Variants in SLC3A1 observed in about 807,000 individuals in gnomAD.
SLC3A1 encodes amino acid transporter heavy chain SLC3A1.
SLC3A1 carries 78 observed loss-of-function variants against 60.3 expected under a neutral mutation model. That is an observed-to-expected ratio of 1.29 (90% CI 1.08 to 1.56). SLC3A1 has a LOEUF of 1.56. Ranked by LOEUF, SLC3A1 falls within the 40% of genes most tolerant of loss-of-function variation. The pLI is 0.00. For synonymous variants in SLC3A1, 392 were observed against 307.9 expected, an observed-to-expected ratio of 1.27 and a Z score of -2.86; for missense variants, 1,172 against 858.9, an observed-to-expected ratio of 1.36 and a Z score of -4.56.
intron 7 of SLC3A1, 121 bp from the exon 8 acceptor site, chr2:44,312,465 T>C: frequency 9.7e-7 from 1 of 1,027,164 alleles, no homozygotes; most frequent in South Asian, 1.3e-5. Context: ...AGTCCAGGCT[T>C]GCTAGTACCA....
intron 1 of SLC3A1, among the ~76,000 whole-genome samples, chr2:44,277,818 A>G (rs1671383585): frequency 6.6e-6 from 1 of 152,204 alleles, no homozygotes; most frequent in African/African-American, 2.4e-5. Context: ...GTCATTTCCA[A>G]TACCTGTTCT....
chr2:44,306,167 T>TA (rs1273745996), intron 7 of SLC3A1, among the ~76,000 whole-genome samples: 1 of 152,200 alleles, frequency 6.6e-6, no homozygotes, highest in African/African-American at 2.4e-5. Flanking sequence ...CACTAGTCAA[T>TA]ATCTTCTGTT....
chr2:44,294,654 G>A (rs1671811146), intron 4 of SLC3A1, among the ~76,000 whole-genome samples: 1 of 152,210 alleles, frequency 6.6e-6, no homozygotes, highest in African/African-American at 2.4e-5. Flanking sequence ...TGGACAGCGA[G>A]AGAGCTGGGT....
At chr2:44,299,893 T>G (rs1671958724) in intron 4 of SLC3A1, 78 bp from the exon 5 acceptor site, 1 of 1,457,162 alleles carries the variant, frequency 6.9e-7, no homozygotes, top group African/African-American at 1.4e-5. Flanking sequence ...GCCAAGTTGT[T>G]AACAGTCAAA....
intron 1 of SLC3A1, among the ~76,000 whole-genome samples, chr2:44,278,127 A>C (rs963797101): frequency 6.6e-6 from 1 of 151,928 alleles, no homozygotes; most frequent in Non-Finnish European, 1.5e-5. Flanking sequence ...CATATGGGGG[A>C]ACTGGGGTAC....
chr2:44,313,859 A>G lies in SLC3A1; in HGVS notation c.1525A>G (p.Met509Val). ...DINTLRSKSPMQWDNSSNAGF... is the reference protein window; with the variant it reads ...DINTLRSKSPVQWDNSSNAGF... ...GAATACCCTTCGCTCAAAGTCACCAATGCAGTGGGACAATAGTTCAAATGC... is the reference window on the plus strand; with the variant it reads ...GAATACCCTTCGCTCAAAGTCACCAGTGCAGTGGGACAATAGTTCAAATGC... Residue 509 changes from methionine (M) to valine (V), a missense_variant, in exon 9 of 10, where the codon ATG (methionine) becomes GTG (valine). Met to Val is a conservative substitution (Grantham distance 21, BLOSUM62 1). Transcript: ENST00000260649. 1.2e-6 allele frequency: 2 copies of G among 1,614,046 alleles called. No individual in the cohort carries two copies. Among genetic ancestry groups the G allele is most frequent in the Non-Finnish European group, 8.5e-7 (1 of 1,179,924 alleles).
intron 4 of SLC3A1, 100 bp from the exon 5 acceptor site, chr2:44,299,869 ATC>A (rs1169567770): frequency 4.3e-5 from 50 of 1,150,420 alleles, no homozygotes; most frequent in Non-Finnish European, 6.2e-5. Context: ...GTATGTAGAT[ATC>A]TGTTTTATGA....
chr2:44,295,789 G>C (rs1671835321), intron 4 of SLC3A1, among the ~76,000 whole-genome samples: 1 of 152,172 alleles, frequency 6.6e-6, no homozygotes, highest in African/African-American at 2.4e-5. Flanking sequence ...TGTTTACACA[G>C]AATGGTGCTT....
intron 7 of SLC3A1, among the ~76,000 whole-genome samples, chr2:44,307,012 C>G (rs1014418390): frequency 6.6e-6 from 1 of 152,220 alleles, no homozygotes; most frequent in African/African-American, 2.4e-5. Flanking sequence ...CCCTCCCTCT[C>G]TGTCCTCAGT....
chr2:44,290,148 G>T (rs1671710086), intron 4 of SLC3A1, among the ~76,000 whole-genome samples: 1 of 144,978 alleles, frequency 6.9e-6, no homozygotes. Context: ...TTTGCATGTG[G>T]CTATTCAGTT....
At position 44,275,893 on chromosome 2, in the gene SLC3A1, G is replaced by T; in HGVS notation, c.358G>T (p.Glu120Ter). Residue 120 changes from glutamate (E) to a stop codon, truncating the protein, a stop_gained, in exon 1 of 10, where the codon GAG becomes TAG. Coordinates refer to ENST00000260649, the MANE Select transcript of SLC3A1 (RefSeq NM_000341.4). LOFTEE classifies it high-confidence loss of function. Reference protein sequence around the residue: ...LSPKCLDWWQEGPMYQIYPRS... With the variant: ...LSPKCLDWWQ Reference sequence around the variant, plus strand: ...TCCAAAGTGCCTAGACTGGTGGCAGGAGGGGCCCATGTACCAGATCTACCC... The same window carrying T: ...TCCAAAGTGCCTAGACTGGTGGCAGTAGGGGCCCATGTACCAGATCTACCC... 6.2e-7 allele frequency: 1 copy of T among 1,614,240 alleles called. No homozygotes were observed. Among genetic ancestry groups the T allele is most frequent in the African/African-American group, 1.3e-5 (1 of 75,070 alleles).
intron 3 of SLC3A1, among the ~76,000 whole-genome samples, chr2:44,284,495 C>G (rs371991587): frequency 6.6e-6 from 1 of 152,140 alleles, no homozygotes; most frequent in Non-Finnish European, 1.5e-5. Context: ...TTTATATCCC[C>G]CACAGAAGTA....
intron 3 of SLC3A1, chr2:44,285,762 C>T: frequency 1.6e-6 from 1 of 614,640 alleles, no homozygotes; most frequent in South Asian, 1.5e-5. Flanking sequence ...CTTAAGTTGA[C>T]CTTGTCTTGG....
intron 9 of SLC3A1, among the ~76,000 whole-genome samples, chr2:44,315,811 TTGG>T (rs144993114): frequency 0.03 from 4,632 of 152,112 alleles, 100 homozygotes; most frequent in Non-Finnish European, 0.04. Context: ...CTAGAACTGT[TTGG>T]TGATCACATG....
chr2:44,294,825 C>A (rs1322718956), intron 4 of SLC3A1, among the ~76,000 whole-genome samples: 2 of 152,200 alleles, frequency 1.3e-5, no homozygotes, highest in Non-Finnish European at 1.5e-5. Flanking sequence ...TACTCTGAAA[C>A]ATCCTTTCTC....
At chr2:44,312,308 C>G (rs1263980401) in intron 7 of SLC3A1, among the ~76,000 whole-genome samples, 1 of 152,114 alleles carries the variant, frequency 6.6e-6, no homozygotes, top group Non-Finnish European at 1.5e-5. Flanking sequence ...ATTCTCTTAT[C>G]CAAATATGAG....
rs191564699 is a variant in SLC3A1 at position 44,279,610 on chromosome 2, T to G, written c.431-1106T>G. ...GGAGCCACATAAGAAATTGTAAATT[T>G]TGTAGTAGCCACATTAAAAAAAGGA... On this transcript the variant is annotated intron_variant, in intron 1 of 9. Transcript: ENST00000260649. Among the ~76,000 whole-genome samples, 434 of 152,314 alleles carry G rather than the reference T, an allele frequency of 2.8e-3. 3 individuals are homozygous for G. The highest frequency in any genetic ancestry group is 9.8e-3 in the African/African-American group (408 of 41,578).
chr2:44,312,620 G>C lies in SLC3A1; in HGVS notation c.1367G>C (p.Arg456Pro). 6.2e-7 allele frequency: 1 copy of C among 1,613,990 alleles called. No individual in the cohort carries two copies. Among genetic ancestry groups the C allele is most frequent in the Non-Finnish European group, 8.5e-7 (1 of 1,179,904 alleles). ...GGPDSSRLTS[R>P]LGNQYVNVMN... ...CCAGACAGTTCACGGCTGACTTCGC[G>C]TTTGGGGAATCAGTATGTCAACGTG... is the stretch of plus-strand genomic sequence containing the variant. Residue 456 changes from arginine to proline, a missense_variant, in exon 8 of 10, where the codon CGT becomes CCT. Transcript: ENST00000260649.
chr2:44,275,808 G>C lies in SLC3A1; in HGVS notation c.273G>C (p.Trp91Cys). 1.1e-5 allele frequency: 17 copies of C among 1,614,248 alleles called. No individual in the cohort carries two copies. Among genetic ancestry groups the C allele is most frequent in the Non-Finnish European group, 1.3e-5 (15 of 1,180,038 alleles). The change falls in exon 1 of 10, where the codon TGG (tryptophan) becomes TGC (cysteine). Residue 91 changes from tryptophan to cysteine, a missense_variant. Coordinates refer to ENST00000260649, the MANE Select transcript of SLC3A1 (RefSeq NM_000341.4). ...GCATACCTCGGGAGATCCTCTTCTGGCTCACAGTGGCTTCTGTGCTGGTGC... is the reference window on the plus strand; with the variant it reads ...GCATACCTCGGGAGATCCTCTTCTGCCTCACAGTGGCTTCTGTGCTGGTGC... ...RYRIPREILF[W>C]LTVASVLVLI...
Sources: allele counts gnomAD v4.1 joint callset (sites outside exome capture counted in the v4.1 genomes callset), GRCh38; gene constraint gnomAD v4.1.1; transcripts MANE v1.5; gene names NCBI Gene and HGNC (gene_info 2026-07-23, HGNC 2026-07-21).